The following CSPG5 variants were observed in gnomAD, a reference collection of about 807,000 sequenced individuals.
The protein encoded by CSPG5 is chondroitin sulfate proteoglycan 5.
In CSPG5, 25 loss-of-function variants were observed where a neutral mutation model predicts 39.8. The ratio of observed to expected loss-of-function variants is 0.63; its 90% CI spans 0.46 to 0.88. The LOEUF is 0.88. Among genes scored for constraint, CSPG5 ranks in the 40% least tolerant of loss-of-function variants. The pLI is 0.00. For synonymous variants in CSPG5, 295 were observed against 303.9 expected (o/e 0.97, Z 0.31); for missense variants, 627 against 702.2 (o/e 0.89, Z 1.21).
At chr3:47,567,249 G>A (rs1378915168) in intron 4 of CSPG5, among the ~76,000 whole-genome samples, 1 of 152,102 alleles carries the variant, frequency 6.6e-6, no homozygotes, top group Non-Finnish European at 1.5e-5. Context: ...TCCCGTCCTG[G>A]CAGACCTGCT....
At chr3:47,564,499 A>G (rs2031215362) in intron 4 of CSPG5, among the ~76,000 whole-genome samples, 1 of 152,182 alleles carries the variant, frequency 6.6e-6, no homozygotes, top group South Asian at 2.1e-4. Flanking sequence ...ATTTATAGAC[A>G]GGGGAACACA....
In CSPG5 at chr3:47,577,968, G is replaced by A. The variant is rs2031835185; in HGVS notation, c.98-40C>T. 1.5e-6 allele frequency: 2 copies of A among 1,378,644 alleles called. No homozygotes were observed. The highest frequency in any genetic ancestry group is 1.9e-6 in the Non-Finnish European group (2 of 1,076,152). The allele number at this position is 1,378,644 out of a possible 1,614,324, so 85.4% of individuals were successfully genotyped here. On this transcript the variant is annotated intron_variant, in intron 1 of 4. Transcript: ENST00000264723. The surrounding 1 kb of genome is among the most constrained non-coding windows in gnomAD (Gnocchi z 4.7). ...GCAAGGGGCGGGACGTCAGGGCGGC[G>A]CGCTGAGGAGCCCTGGAGCCCCGGC...
intron 4 of CSPG5, among the ~76,000 whole-genome samples, chr3:47,567,868 C>T (rs2031372857): frequency 6.6e-6 from 1 of 152,184 alleles, no homozygotes; most frequent in Non-Finnish European, 1.5e-5. Flanking sequence ...AATAATTAGC[C>T]AGGTGTGGTG....
chr3:47,572,935 G>T lies in CSPG5; in HGVS notation c.1194-61C>A, dbSNP rs2031581739. Reference sequence around the variant, plus strand: ...GCAGGCAGCCACGGCCACAGTAAGGGCCTGGGCCCTGACCCCAACACCTAT... The same window carrying T: ...GCAGGCAGCCACGGCCACAGTAAGGTCCTGGGCCCTGACCCCAACACCTAT... On this transcript the variant is annotated intron_variant, in intron 2 of 4. Coordinates refer to ENST00000264723, the MANE Select transcript of CSPG5 (RefSeq NM_006574.4). This position sits in a 1 kb window ranked among gnomAD's most constrained non-coding sequence, Gnocchi z 4.5. The T allele has an allele frequency of 2.7e-6, 4 of 1,472,654 alleles. No homozygotes were observed. The Admixed American group carries it at 8.0e-5, about 30-fold the overall frequency. 91.2% of individuals were successfully genotyped at this position (1,472,654 alleles called of 1,614,324 possible). A position where few individuals can be genotyped will look rare whatever the true frequency, so the allele number is the denominator to read the frequency against.
At chr3:47,576,005 T>G (rs1477916507) in intron 2 of CSPG5, among the ~76,000 whole-genome samples, 1 of 146,282 alleles carries the variant, frequency 6.8e-6, no homozygotes, top group Non-Finnish European at 1.5e-5. Flanking sequence ...TGGCGTGATC[T>G]CGGCTCACTG....
In CSPG5 at chr3:47,578,549, TG is replaced by T; in HGVS notation, c.97+47del. 1 of 654,580 alleles carries T rather than the reference TG, an allele frequency of 1.5e-6. No homozygotes were observed. The highest frequency in any genetic ancestry group is 2.0e-6 in the Non-Finnish European group (1 of 491,204). The allele number at this position is 654,580 out of a possible 1,614,324, so 40.5% of individuals were successfully genotyped here. On this transcript the variant is annotated intron_variant, in intron 1 of 4. Transcript: ENST00000264723. The surrounding 1 kb of genome is among the most constrained non-coding windows in gnomAD (Gnocchi z 6.0). ...CCCGCCGCCAGCGGGACCCCTGCCC[TG>T]GGTGGGGCACGAGGGCCGCGGGGGT... is the stretch of plus-strand genomic sequence containing the variant.
At chr3:47,573,244 C>T (rs2108202615) in intron 2 of CSPG5, among the ~76,000 whole-genome samples, 1 of 152,314 alleles carries the variant, frequency 6.6e-6, no homozygotes, top group East Asian at 1.9e-4. Flanking sequence ...CCTCTCCCTG[C>T]CCTGGGCTCT....
chr3:47,569,750 C>CT lies in CSPG5; in HGVS notation c.1383-524dup, dbSNP rs145182794. On this transcript the variant is annotated intron_variant, in intron 3 of 4. Coordinates refer to ENST00000264723, the MANE Select transcript of CSPG5 (RefSeq NM_006574.4). ...TTTTTAAAGGCTTTTCTATTCTTTT[C>CT]TTTTTTTTTTTTTTTGAGACAGGGT... Among the ~76,000 whole-genome samples the CT allele has an allele frequency of 7.0e-3, 943 of 134,808 alleles. 7 individuals are homozygous for CT. The highest frequency in any genetic ancestry group is 0.018 in the African/African-American group (685 of 37,628). The allele number at this position is 134,808 out of a possible 152,430, so 88.4% of individuals were successfully genotyped here.
intron 4 of CSPG5, among the ~76,000 whole-genome samples, chr3:47,563,693 T>C (rs1184139085): frequency 6.6e-6 from 1 of 152,094 alleles, no homozygotes; most frequent in Non-Finnish European, 1.5e-5. Context: ...GAACCTGGGA[T>C]TATAGGCGCT....
In CSPG5 at chr3:47,578,706, C is replaced by G. The variant is rs751060857; in HGVS notation, c.-13G>C. The G allele has an allele frequency of 5.9e-6, 5 of 845,078 alleles. No individual in the cohort carries two copies. The highest frequency in any genetic ancestry group is 7.3e-6 in the Non-Finnish European group (5 of 688,596). The allele number at this position is 845,078 out of a possible 1,614,324, so 52.3% of individuals were successfully genotyped here. A position where few individuals can be genotyped will look rare whatever the true frequency, so the allele number is the denominator to read the frequency against. On this transcript the variant is annotated 5_prime_UTR_variant, in exon 1 of 5. Transcript: ENST00000264723. This position sits in a 1 kb window ranked among gnomAD's most constrained non-coding sequence, Gnocchi z 6.0. ...CGGCTCGCCCCATGGCGCGGCGCCCCGACCGCTGTCCGCGGTCCGCCCGGC... is the reference window on the plus strand; with the variant it reads ...CGGCTCGCCCCATGGCGCGGCGCCCGGACCGCTGTCCGCGGTCCGCCCGGC...
At chr3:47,579,333 T>A (rs2031910894), upstream of CSPG5, 1 of 152,280 alleles carries the variant, frequency 6.6e-6, no homozygotes, top group Non-Finnish European at 1.5e-5. The surrounding 1 kb of genome is among the most constrained non-coding windows in gnomAD (Gnocchi z 4.2). Context: ...TCTCGGATTC[T>A]GCACCAATCC....
intron 2 of CSPG5, among the ~76,000 whole-genome samples, chr3:47,574,349 T>C (rs1320849971): frequency 1.3e-5 from 2 of 152,098 alleles, no homozygotes; most frequent in African/African-American, 4.8e-5. Flanking sequence ...AGGTGAAAAT[T>C]CCAGGCCTCC....
intron 4 of CSPG5, 54 bp downstream of exon 4, chr3:47,569,098 C>T: frequency 6.4e-7 from 1 of 1,560,546 alleles, no homozygotes; most frequent in Middle Eastern, 1.7e-4. Flanking sequence ...CATAGTGAGC[C>T]AAGGCACGGG....
In CSPG5 at chr3:47,577,439, T is replaced by C. The variant is rs2031797666; in HGVS notation, c.587A>G (p.Gln196Arg). ...PQGPELTYPF[Q>R]GTLEPQPASD... ...TGCCGGTTGGGGCTCCAGGGTGCCC[T>C]GAAATGGGTAAGTCAGCTCTGGCCC... Residue 196 changes from glutamine to arginine, a missense_variant, in exon 2 of 5, where the codon CAG becomes CGG. Transcript: ENST00000264723. The surrounding 1 kb of genome is among the most constrained non-coding windows in gnomAD (Gnocchi z 4.7). The C allele has an allele frequency of 1.2e-6, 2 of 1,614,006 alleles. No individual in the cohort carries two copies. Among genetic ancestry groups the C allele is most frequent in the African/African-American group, 1.3e-5 (1 of 74,984 alleles).
intron 3 of CSPG5, 67 bp from the exon 4 acceptor site, chr3:47,569,294 T>C: frequency 3.3e-6 from 5 of 1,516,096 alleles, no homozygotes; most frequent in Non-Finnish European, 4.6e-6. Flanking sequence ...TGACAATGTC[T>C]CAGCTTCTGG....
chr3:47,568,093 A>G (rs1183146713), intron 4 of CSPG5, among the ~76,000 whole-genome samples: 1 of 152,176 alleles, frequency 6.6e-6, no homozygotes, highest in Non-Finnish European at 1.5e-5. Flanking sequence ...GGCCCCTGTG[A>G]GGTCTGACAC....
In CSPG5 at chr3:47,574,896, A is replaced by G. The variant is rs540324223; in HGVS notation, c.1193+1937T>C. 9.2e-5 allele frequency among the ~76,000 whole-genome samples: 14 copies of G among 152,262 alleles called. No homozygotes were observed. The South Asian group carries it at 1.5e-3, about 16-fold the overall frequency. On this transcript the variant is annotated intron_variant, in intron 2 of 4. Coordinates refer to ENST00000264723, the MANE Select transcript of CSPG5 (RefSeq NM_006574.4). ...GGAGCTTATAGTGAGTCGAGATTGC[A>G]CCACTGCACTCCAGCCTGGACGACA...
At position 47,577,333 on chromosome 3, in the gene CSPG5, T is replaced by G; in HGVS notation, c.693A>C (p.Ser231=). 6.2e-7 allele frequency: 1 copy of G among 1,613,934 alleles called. No homozygotes were observed. The highest frequency in any genetic ancestry group is 8.5e-7 in the Non-Finnish European group (1 of 1,179,888). Residue 231 remains serine, a synonymous_variant, in exon 2 of 5, where the codon TCA becomes TCC. Coordinates refer to ENST00000264723, the MANE Select transcript of CSPG5 (RefSeq NM_006574.4). This position sits in a 1 kb window ranked among gnomAD's most constrained non-coding sequence, Gnocchi z 4.7. ...RGADLGSFPG[S]PGTSENHPDT... The stretch of plus-strand genomic sequence containing the variant: ...CAGGGTGGTTCTCTGAGGTTCCTGG[T>G]GACCCTGGGAAGCTCCCCAGATCTG...
chr3:47,571,486 A>C (rs1322894835), intron 3 of CSPG5, among the ~76,000 whole-genome samples: 2 of 152,220 alleles, frequency 1.3e-5, no homozygotes, highest in Non-Finnish European at 2.9e-5. Context: ...CCCTTGGTGT[A>C]GGCGTGAGGA....
Sources: allele counts gnomAD v4.1 joint callset (sites outside exome capture counted in the v4.1 genomes callset), GRCh38; gene constraint gnomAD v4.1.1; non-coding constraint Gnocchi (gnomAD v3.1); transcripts MANE v1.5; gene names NCBI Gene and HGNC (gene_info 2026-07-23, HGNC 2026-07-21).